The following FGF14 variants were observed in gnomAD, a reference collection of about 807,000 sequenced individuals.
FGF14 encodes fibroblast growth factor homologous factor 4.
Under a neutral mutation model 25.5 loss-of-function variants are expected in FGF14, and 5 were observed. The observed-to-expected ratio is 0.20, with a 90% CI of 0.10 to 0.41. The LOEUF is 0.41. FGF14 is among the 10% of genes least tolerant of loss of function. The probability of loss-of-function intolerance (pLI) is 1.00; values close to 1 mark genes in which losing one functional copy is unlikely to be tolerated. For synonymous variants in FGF14, 138 were observed against 118.3 expected (o/e 1.17, Z -1.08); for missense variants, 222 against 320.1 (o/e 0.69, Z 2.34).
chr13:102,247,553 C>A (rs1353118954), intron 1 of FGF14, among the ~76,000 whole-genome samples: 1 of 151,980 alleles, frequency 6.6e-6, no homozygotes, highest in Non-Finnish European at 1.5e-5. Context: ...CATTTCACAC[C>A]AATCAAAATG....
At chr13:102,339,394 CA>C (rs1178377428) in intron 1 of FGF14, among the ~76,000 whole-genome samples, 6 of 151,864 alleles carry the variant, frequency 4.0e-5, no homozygotes, top group African/African-American at 1.4e-4. Context: ...AAAGACCAAA[CA>C]AAAGAATTTG....
intron 1 of FGF14, among the ~76,000 whole-genome samples, chr13:101,896,558 C>T (rs1274848508): frequency 1.3e-5 from 2 of 152,184 alleles, no homozygotes; most frequent in East Asian, 3.8e-4. Flanking sequence ...AAAAAGAAAA[C>T]ATTAATGCTT....
chr13:101,716,209 G>T lies in FGF14; in HGVS notation c.*6622C>A, dbSNP rs1223393449. On this transcript the variant is annotated 3_prime_UTR_variant, in exon 5 of 5. Transcript: ENST00000376143. ...ATCGATCAGATTTTTCCAGAATTCC[G>T]TATCAGTCACCATTTTAATATGGGG... The T allele has an allele frequency of 6.6e-6, 1 of 152,156 alleles. No individual in the cohort carries two copies. The highest frequency in any genetic ancestry group is 1.5e-5 in the Non-Finnish European group (1 of 68,062). 9.4% of individuals were successfully genotyped at this position (152,156 alleles called of 1,614,324 possible).
chr13:102,305,738 C>G (rs2055338042), intron 1 of FGF14, among the ~76,000 whole-genome samples: 1 of 152,092 alleles, frequency 6.6e-6, no homozygotes, highest in African/African-American at 2.4e-5. Flanking sequence ...TGAACTCAGC[C>G]AAGTGAACCC....
At chr13:102,086,478 C>G (rs976146166) in intron 1 of FGF14, among the ~76,000 whole-genome samples, 1 of 151,836 alleles carries the variant, frequency 6.6e-6, no homozygotes, top group Non-Finnish European at 1.5e-5. Context: ...TGCAGTGAGC[C>G]GAGATCGAGC....
At chr13:101,810,975 C>T (rs9557739) in intron 3 of FGF14, among the ~76,000 whole-genome samples, 24,365 of 151,758 alleles carry the variant, frequency 0.16, 2,118 homozygotes, top group Admixed American at 0.2. Context: ...CACAGCCAAA[C>T]TGAGAGAAAG....
intron 1 of FGF14, among the ~76,000 whole-genome samples, chr13:102,183,277 G>T (rs2048748618): frequency 6.6e-6 from 1 of 151,984 alleles, no homozygotes; most frequent in South Asian, 2.1e-4. Context: ...TATATTTTCA[G>T]TAAAGTTAAA....
chr13:101,865,581 T>C (rs923376842), intron 3 of FGF14, among the ~76,000 whole-genome samples: 7 of 152,088 alleles, frequency 4.6e-5, no homozygotes, highest in African/African-American at 1.4e-4. Context: ...GCCTTTAGCA[T>C]TGGAAATGGG....
chr13:101,824,042 C>A (rs569872274), intron 3 of FGF14, among the ~76,000 whole-genome samples: 121 of 151,952 alleles, frequency 8.0e-4, no homozygotes, highest in African/African-American at 2.7e-3. Flanking sequence ...TAATAGTATA[C>A]CTTGTAGTGA....
intron 1 of FGF14, among the ~76,000 whole-genome samples, chr13:101,891,847 T>C (rs1279808127): frequency 6.6e-6 from 1 of 152,154 alleles, no homozygotes; most frequent in Non-Finnish European, 1.5e-5. Context: ...TAGTAGTAAA[T>C]AATCACACAG....
At chr13:102,387,402 G>T (rs908742422) in intron 1 of FGF14, among the ~76,000 whole-genome samples, 1 of 151,822 alleles carries the variant, frequency 6.6e-6, no homozygotes, top group East Asian at 1.9e-4. Flanking sequence ...GATCATAAAG[G>T]TTACTAAAAC....
intron 1 of FGF14, among the ~76,000 whole-genome samples, chr13:102,226,033 A>G (rs2050812315): frequency 6.6e-6 from 1 of 152,210 alleles, no homozygotes. Context: ...CGACATTGAC[A>G]TTGAATTGAC....
chr13:101,915,129 T>G (rs963504239), intron 1 of FGF14, among the ~76,000 whole-genome samples: 1 of 152,250 alleles, frequency 6.6e-6, no homozygotes, highest in African/African-American at 2.4e-5. Context: ...CCACTCTGAT[T>G]TTCTTCCTAT....
intron 3 of FGF14, among the ~76,000 whole-genome samples, chr13:101,836,408 T>C (rs1356357292): frequency 1.3e-5 from 2 of 152,056 alleles, no homozygotes; most frequent in Admixed American, 6.6e-5. Flanking sequence ...AATTTAGTGC[T>C]ATACTGGACC....
chr13:102,098,961 CT>C (rs1467121972), intron 1 of FGF14, among the ~76,000 whole-genome samples: 5 of 152,080 alleles, frequency 3.3e-5, no homozygotes, highest in Non-Finnish European at 5.9e-5. Context: ...CTCAGTTTTC[CT>C]AGAAGTGGGA....
At chr13:102,255,947 G>A (rs773043055) in intron 1 of FGF14, among the ~76,000 whole-genome samples, 8 of 152,148 alleles carry the variant, frequency 5.3e-5, no homozygotes, top group Non-Finnish European at 5.9e-5. Flanking sequence ...TTGATGGTGG[G>A]ACTGGTTCTG....
chr13:102,001,931 C>T (rs1003008875), intron 1 of FGF14, among the ~76,000 whole-genome samples: 7 of 150,894 alleles, frequency 4.6e-5, no homozygotes, highest in African/African-American at 1.7e-4. Context: ...CCAGGTCCCA[C>T]ATCTACACCT....
At chr13:102,244,863 C>A (rs925875337) in intron 1 of FGF14, among the ~76,000 whole-genome samples, 1 of 151,970 alleles carries the variant, frequency 6.6e-6, no homozygotes, top group Admixed American at 6.6e-5. Flanking sequence ...CATAAATACA[C>A]AGAGGAAAAC....
At chr13:102,188,335 G>T (rs1439380853) in intron 1 of FGF14, among the ~76,000 whole-genome samples, 1 of 152,142 alleles carries the variant, frequency 6.6e-6, no homozygotes, top group African/African-American at 2.4e-5. Flanking sequence ...AGACAAGTAA[G>T]GTGAAAGCAA....
Sources: allele counts gnomAD v4.1 joint callset (sites outside exome capture counted in the v4.1 genomes callset), GRCh38; gene constraint gnomAD v4.1.1; transcripts MANE v1.5; gene names NCBI Gene and HGNC (gene_info 2026-07-23, HGNC 2026-07-21).